Variants in DNAH9 observed in about 807,000 individuals in gnomAD.
DNAH9 encodes the protein DNAH9 variant protein.
DNAH9 carries 345 observed loss-of-function variants against 471.6 expected under a neutral mutation model. The ratio of observed to expected loss-of-function variants is 0.73; its 90% CI spans 0.67 to 0.80. The LOEUF (loss-of-function observed/expected upper bound fraction) is 0.80. DNAH9 is among the 30% of genes least tolerant of loss of function. The pLI is 0.00. For missense variants in DNAH9, 5,407 were observed against 5,609.2 expected (o/e 0.96, Z 1.15); for synonymous variants, 2,093 against 2,123.6 (o/e 0.99, Z 0.40).
intron 38 of DNAH9, among the ~76,000 whole-genome samples, chr17:11,776,947 C>G (rs1458665817): frequency 1.3e-5 from 2 of 152,142 alleles, no homozygotes; most frequent in African/African-American, 2.4e-5. Context: ...TGCTTTCATT[C>G]CCTTCATTAA....
In DNAH9 at chr17:11,880,162, G is replaced by T; in HGVS notation, c.10563G>T (p.Leu3521=). The T allele has an allele frequency of 6.2e-7, 1 of 1,613,938 alleles. No homozygotes were observed. The highest frequency in any genetic ancestry group is 8.5e-7 in the Non-Finnish European group (1 of 1,179,894). The change falls in exon 54 of 69, where the codon CTG becomes CTT. Residue 3521 remains leucine, a synonymous_variant. Transcript: ENST00000262442. ...TAGAGGAGTCCATTGATCCTGTTCTGGGACCCCTGCTTGGGAGAGAAGTCA... is the reference window on the plus strand; with the variant it reads ...TAGAGGAGTCCATTGATCCTGTTCTTGGACCCCTGCTTGGGAGAGAAGTCA... ...ENLEESIDPV[L]GPLLGREVIK...
At chr17:11,861,787 A>G (rs1218195011) in intron 50 of DNAH9, among the ~76,000 whole-genome samples, 1 of 151,888 alleles carries the variant, frequency 6.6e-6, no homozygotes, top group African/African-American at 2.4e-5. Context: ...GATGGTGAGC[A>G]TTTTTTCATG....
intron 41 of DNAH9, among the ~76,000 whole-genome samples, chr17:11,792,714 T>C (rs1969107343): frequency 6.6e-6 from 1 of 152,226 alleles, no homozygotes; most frequent in South Asian, 2.1e-4. Context: ...TGATTTTACA[T>C]AGTCAATTGT....
At chr17:11,900,114 A>C (rs1973358227) in intron 59 of DNAH9, among the ~76,000 whole-genome samples, 1 of 145,232 alleles carries the variant, frequency 6.9e-6, no homozygotes, top group Non-Finnish European at 1.5e-5. Flanking sequence ...AAAAAAACTC[A>C]CAAGGGTTTT....
intron 32 of DNAH9, among the ~76,000 whole-genome samples, chr17:11,749,331 G>A (rs543041557): frequency 3.3e-5 from 5 of 151,952 alleles, no homozygotes; most frequent in East Asian, 3.9e-4. Flanking sequence ...TGATCCTCCC[G>A]CCTCAGCCTC....
chr17:11,968,266 G>T (rs1035314441), intron 68 of DNAH9, among the ~76,000 whole-genome samples: 1 of 152,194 alleles, frequency 6.6e-6, no homozygotes, highest in African/African-American at 2.4e-5. Context: ...TATGGGGCAA[G>T]GAGGTCCCCA....
chr17:11,753,602 G>A (rs975929939), intron 33 of DNAH9, among the ~76,000 whole-genome samples: 23 of 152,172 alleles, frequency 1.5e-4, no homozygotes, highest in Admixed American at 1.5e-3. Flanking sequence ...GGAGGCAGAG[G>A]TTGCAGTGAG....
intron 24 of DNAH9, 34 bp from the exon 25 acceptor site, chr17:11,704,169 T>C (rs371446107): frequency 3.5e-5 from 56 of 1,612,368 alleles, no homozygotes; most frequent in Non-Finnish European, 2.8e-5. Flanking sequence ...ACAGCCATGA[T>C]AACAGCTTTA....
At chr17:11,805,060 A>G (rs1969616426) in intron 43 of DNAH9, among the ~76,000 whole-genome samples, 1 of 152,044 alleles carries the variant, frequency 6.6e-6, no homozygotes, top group South Asian at 2.1e-4. Context: ...TCTCAAAAAA[A>G]AAAAAATTAG....
At chr17:11,818,464 A>G (rs907487806) in intron 45 of DNAH9, among the ~76,000 whole-genome samples, 2 of 152,046 alleles carry the variant, frequency 1.3e-5, no homozygotes, top group Admixed American at 1.3e-4. Context: ...AAAGTGGGAT[A>G]TAAGATGGCC....
In DNAH9 at chr17:11,769,618, G is replaced by A. The variant is rs1326354453; in HGVS notation, c.7552+289G>A. Among the ~76,000 whole-genome samples, 3 of 152,236 alleles carry A rather than the reference G, an allele frequency of 2.0e-5. No individual in the cohort carries two copies. The East Asian group carries it at 5.8e-4, about 29-fold the overall frequency. On this transcript the variant is annotated intron_variant, in intron 38 of 68. Coordinates refer to ENST00000262442, the MANE Select transcript of DNAH9 (RefSeq NM_001372.4). ...AGCAGTTCAGCACCTTGATGACAAA[G>A]AGAGCTACAAGCCATGGAGAGATTT...
intron 39 of DNAH9, among the ~76,000 whole-genome samples, chr17:11,783,193 C>A (rs1170959561): frequency 6.6e-6 from 1 of 152,082 alleles, no homozygotes; most frequent in Non-Finnish European, 1.5e-5. Flanking sequence ...GTTTCTGTCT[C>A]TAGTGATAAG....
At chr17:11,645,923 A>G (rs1486601757) in intron 11 of DNAH9, among the ~76,000 whole-genome samples, 1 of 131,568 alleles carries the variant, frequency 7.6e-6, no homozygotes, top group Non-Finnish European at 1.5e-5. Context: ...TCTGTCGCCC[A>G]GATTGGAGTG....
chr17:11,825,975 T>C (rs964251302), intron 48 of DNAH9, among the ~76,000 whole-genome samples: 13 of 152,182 alleles, frequency 8.5e-5, no homozygotes, highest in African/African-American at 1.2e-4. Flanking sequence ...GGGTTCCCCA[T>C]GGAAATTTTA....
chr17:11,699,126 G>A (rs960026922), intron 22 of DNAH9, among the ~76,000 whole-genome samples: 2 of 152,146 alleles, frequency 1.3e-5, no homozygotes, highest in African/African-American at 4.8e-5. Context: ...GCACACACCT[G>A]TAATCTCAGC....
chr17:11,886,723 T>A, intron 56 of DNAH9, 102 bp from the exon 57 acceptor site: 2 of 1,410,392 alleles, frequency 1.4e-6, no homozygotes, highest in Admixed American at 2.4e-5. Context: ...CTTCACTCCA[T>A]CCCCTAAGCA....
chr17:11,657,043 A>G (rs190378580), intron 14 of DNAH9, among the ~76,000 whole-genome samples: 90 of 152,304 alleles, frequency 5.9e-4, no homozygotes, highest in Middle Eastern at 6.8e-3. Flanking sequence ...TTGTATGTAC[A>G]GTCTGATATA....
At chr17:11,705,304 G>T (rs1035997163) in intron 26 of DNAH9, 119 bp downstream of exon 26, 9 of 848,406 alleles carry the variant, frequency 1.1e-5, no homozygotes. Flanking sequence ...CAGGGAAAGG[G>T]CCTGACTCAA....
At chr17:11,826,343 C>T (rs1970487838) in intron 48 of DNAH9, among the ~76,000 whole-genome samples, 1 of 127,262 alleles carries the variant, frequency 7.9e-6, no homozygotes, top group African/African-American at 2.6e-5. Context: ...CTATCCAATT[C>T]CCCAGGCCGG....
Sources: allele counts gnomAD v4.1 joint callset (sites outside exome capture counted in the v4.1 genomes callset), GRCh38; gene constraint gnomAD v4.1.1; transcripts MANE v1.5; gene names NCBI Gene and HGNC (gene_info 2026-07-23, HGNC 2026-07-21).